Variants in RBFOX1 observed in about 807,000 individuals in gnomAD.
RBFOX1 encodes RNA binding fox-1 homolog 1, also known as RNA binding protein fox-1 homolog 1.
In RBFOX1, 8 loss-of-function variants were observed where a neutral mutation model predicts 57.7. The ratio of observed to expected loss-of-function variants is 0.14; its 90% confidence interval spans 0.08 to 0.25. The LOEUF (loss-of-function observed/expected upper bound fraction) is 0.25, where lower values mean the gene tolerates loss of function less well. Among genes scored for constraint, RBFOX1 ranks in the 10% least tolerant of loss-of-function variants. The probability of loss-of-function intolerance (pLI) is 1.00; values close to 1 mark genes in which losing one functional copy is unlikely to be tolerated. For missense variants in RBFOX1, 611 were observed against 548.5 expected (o/e 1.11, Z -1.14); for synonymous variants, 326 against 222.4 (o/e 1.47, Z -4.15).
chr16:6,881,990 A>AT (rs532486658), intron 3 of RBFOX1, among the ~76,000 whole-genome samples: 1 of 152,290 alleles, frequency 6.6e-6, no homozygotes, highest in East Asian at 1.9e-4. Context: ...TAAAGGAGAA[A>AT]TTTTTTTAAA....
intron 4 of RBFOX1, among the ~76,000 whole-genome samples, chr16:7,390,602 C>T (rs2097988851): frequency 6.6e-6 from 1 of 152,190 alleles, no homozygotes; most frequent in Admixed American, 6.5e-5. Flanking sequence ...CTATATTTCG[C>T]ATTAACACCT....
intron 3 of RBFOX1, among the ~76,000 whole-genome samples, chr16:6,965,662 T>C (rs2083979988): frequency 1.3e-5 from 2 of 152,222 alleles, no homozygotes; most frequent in Admixed American, 6.5e-5. Context: ...CACTGAGTTC[T>C]GGAAAATGTG....
intron 2 of RBFOX1, among the ~76,000 whole-genome samples, chr16:6,363,366 C>T (rs2088966975): frequency 6.6e-6 from 1 of 152,166 alleles, no homozygotes; most frequent in Non-Finnish European, 1.5e-5. Context: ...ACAGACTAGG[C>T]ACCATACCCT....
At position 7,713,182 on chromosome 16, in the gene RBFOX1, A is replaced by C. The variant is rs2084249916; in HGVS notation, c.*2437A>C. 1.3e-5 allele frequency: 2 copies of C among 152,194 alleles called. No individual in the cohort carries two copies. The highest frequency in any genetic ancestry group is 1.3e-4 in the Admixed American group (2 of 15,278). 9.4% of individuals were successfully genotyped at this position (152,194 alleles called of 1,614,324 possible). ...ATGGAAAATTAATATTATGTGTGGC[A>C]TATAGTGACTTCTTAACACACACAT... is the stretch of plus-strand genomic sequence containing the variant. On this transcript the variant is annotated 3_prime_UTR_variant, in exon 16 of 16. Transcript: ENST00000550418.
At chr16:5,641,332 A>G (rs962065429) in intron 3 of RBFOX1, among the ~76,000 whole-genome samples, 7 of 152,370 alleles carry the variant, frequency 4.6e-5, no homozygotes, top group Admixed American at 2.0e-4. Flanking sequence ...CTCATGGGCA[A>G]TATATTCTAG....
At chr16:6,941,020 A>C (rs1422605339) in intron 3 of RBFOX1, among the ~76,000 whole-genome samples, 1 of 151,688 alleles carries the variant, frequency 6.6e-6, no homozygotes, top group Non-Finnish European at 1.5e-5. Flanking sequence ...CTTATCGTAT[A>C]CTTCTATATG....
chr16:6,976,668 A>G (rs1460805050), intron 3 of RBFOX1, among the ~76,000 whole-genome samples: 1 of 149,562 alleles, frequency 6.7e-6, no homozygotes, highest in Non-Finnish European at 1.5e-5. Flanking sequence ...TATATGATAT[A>G]TATATCATAT....
chr16:6,997,140 T>C (rs546622348), intron 3 of RBFOX1, among the ~76,000 whole-genome samples: 38 of 152,238 alleles, frequency 2.5e-4, no homozygotes, highest in African/African-American at 8.7e-4. Context: ...CTCTCAATAG[T>C]TGTCTTTTCT....
intron 4 of RBFOX1, among the ~76,000 whole-genome samples, chr16:7,325,451 A>T (rs868078878): frequency 6.6e-6 from 1 of 152,220 alleles, no homozygotes; most frequent in African/African-American, 2.4e-5. Context: ...AGAAGTTGCC[A>T]GGAGGTGAGA....
At chr16:6,789,873 T>G (rs2082611569) in intron 3 of RBFOX1, among the ~76,000 whole-genome samples, 1 of 151,836 alleles carries the variant, frequency 6.6e-6, no homozygotes, top group Non-Finnish European at 1.5e-5. Flanking sequence ...CTTTTTTTCT[T>G]ATTTTCAAAA....
At chr16:7,327,235 T>C (rs1184216433) in intron 4 of RBFOX1, among the ~76,000 whole-genome samples, 1 of 152,324 alleles carries the variant, frequency 6.6e-6, no homozygotes, top group Admixed American at 6.5e-5. Flanking sequence ...TATTTCTGCA[T>C]AGCAGGCAAG....
chr16:7,107,151 C>T (rs2063763859), intron 4 of RBFOX1, among the ~76,000 whole-genome samples: 1 of 152,036 alleles, frequency 6.6e-6, no homozygotes, highest in Non-Finnish European at 1.5e-5. Context: ...ACATTGTATC[C>T]AGGGAGAACA....
At position 5,586,729 on chromosome 16, in the gene RBFOX1, C is replaced by T. The variant is rs144994586; in HGVS notation, c.259-12173C>T. Among the ~76,000 whole-genome samples the T allele has an allele frequency of 2.0e-3, 301 of 152,198 alleles. 1 individual carries two copies. Among genetic ancestry groups the T allele is most frequent in the African/African-American group, 6.7e-3 (277 of 41,540 alleles). ...GCACAGGCTGGTCTTGAACTCGTGG[C>T]GTCAATGATCTCCCACCTCTGCTTT... On this transcript the variant is annotated intron_variant, in intron 2 of 2. Coordinates refer to the RBFOX1 transcript ENST00000585867.
At chr16:7,682,590 T>G (rs1440979287) in intron 14 of RBFOX1, among the ~76,000 whole-genome samples, 1 of 151,314 alleles carries the variant, frequency 6.6e-6, no homozygotes. Flanking sequence ...CCTGATGAAC[T>G]CTCTTGGGTT....
At chr16:5,588,631 T>C (rs1438489075) in intron 2 of RBFOX1, among the ~76,000 whole-genome samples, 3 of 152,244 alleles carry the variant, frequency 2.0e-5, no homozygotes, top group East Asian at 3.9e-4. Context: ...CACGTCCCCA[T>C]GTGAGCAATG....
rs397969435 is a variant in RBFOX1 at position 6,448,156 on chromosome 16, CTTTT to C, written c.-64+131117_-64+131120del. 2.9e-3 allele frequency among the ~76,000 whole-genome samples: 229 copies of C among 78,460 alleles called. 1 individual carries two copies. Among genetic ancestry groups the C allele is most frequent in the African/African-American group, 0.011 (192 of 17,838 alleles). 51.5% of individuals were successfully genotyped at this position (78,460 alleles called of 152,430 possible). On this transcript the variant is annotated intron_variant, in intron 2 of 15. Transcript: ENST00000550418. ...TTCTTTTTTTTCTTTTCTTTTCTTT[CTTTT>C]TTTTTTTTTTTTTTTTTGAGATGGA...
At chr16:6,884,592 A>T (rs2063595824) in intron 3 of RBFOX1, among the ~76,000 whole-genome samples, 3 of 152,098 alleles carry the variant, frequency 2.0e-5, no homozygotes, top group Admixed American at 2.0e-4. Context: ...TTTTGAAGAG[A>T]TTAAAAAACA....
At chr16:6,450,425 T>C (rs1477455469) in intron 2 of RBFOX1, among the ~76,000 whole-genome samples, 4 of 151,908 alleles carry the variant, frequency 2.6e-5, no homozygotes, top group African/African-American at 4.8e-5. Context: ...TGGTTATTTA[T>C]TGGTTTATTT....
chr16:7,709,416 A>C, intron 15 of RBFOX1: 3 of 1,307,976 alleles, frequency 2.3e-6, no homozygotes, highest in Non-Finnish European at 3.0e-6. Flanking sequence ...AATTAAATCC[A>C]TCACTAACAG....
Sources: gnomAD v4.1 joint callset for allele counts (sites outside exome capture counted in the v4.1 genomes callset) on GRCh38, gnomAD v4.1.1 for gene constraint, MANE v1.5 for transcripts, NCBI Gene and HGNC (gene_info 2026-07-23, HGNC 2026-07-21) for gene names.